Variants in CTTNBP2NL observed in about 807,000 individuals in gnomAD.
CTTNBP2NL encodes the protein CTTNBP2 N-terminal like, also known as CTTNBP2 N-terminal-like protein.
In CTTNBP2NL, 16 loss-of-function variants were observed where a neutral mutation model predicts 32.5. The ratio of observed to expected loss-of-function variants is 0.49; its 90% CI spans 0.33 to 0.75. The LOEUF (loss-of-function observed/expected upper bound fraction) is 0.75, where lower values mean the gene tolerates loss of function less well. Among genes scored for constraint, CTTNBP2NL ranks in the 30% least tolerant of loss-of-function variants. The probability of loss-of-function intolerance (pLI) is 0.02; values close to 1 mark genes in which losing one functional copy is unlikely to be tolerated. For synonymous variants in CTTNBP2NL, 298 were observed against 289.4 expected (o/e 1.03, Z -0.30); for missense variants, 645 against 756.0 (o/e 0.85, Z 1.72).
At chr1:112,442,108 AAAT>A (rs1361118000) in intron 3 of CTTNBP2NL, among the ~76,000 whole-genome samples, 2 of 152,114 alleles carry the variant, frequency 1.3e-5, no homozygotes, top group Non-Finnish European at 2.9e-5. Context: ...GTGCTCTAAA[AAAT>A]AATGTTTTTT....
chr1:112,402,346 A>C (rs948731472), intron 1 of CTTNBP2NL, among the ~76,000 whole-genome samples: 5 of 152,172 alleles, frequency 3.3e-5, no homozygotes, highest in African/African-American at 1.2e-4. Flanking sequence ...TGAACCCAGA[A>C]GGCGGAGATT....
intron 3 of CTTNBP2NL, among the ~76,000 whole-genome samples, chr1:112,420,688 C>T (rs956703071): frequency 3.3e-5 from 5 of 151,374 alleles, no homozygotes; most frequent in African/African-American, 1.2e-4. Context: ...AGGCTGGTTT[C>T]GAACTCCTGC....
chr1:112,410,415 C>T (rs868249805), intron 1 of CTTNBP2NL, among the ~76,000 whole-genome samples: 1 of 151,162 alleles, frequency 6.6e-6, no homozygotes, highest in Non-Finnish European at 1.5e-5. Context: ...AAGTGTTATA[C>T]TTAGCCCTTA....
intron 4 of CTTNBP2NL, among the ~76,000 whole-genome samples, chr1:112,451,621 A>G (rs540477024): frequency 6.6e-6 from 1 of 151,562 alleles, no homozygotes; most frequent in South Asian, 2.1e-4. Context: ...AAAATACAAA[A>G]ATTAGCCAGG....
At chr1:112,401,945 G>A (rs567813240) in intron 1 of CTTNBP2NL, among the ~76,000 whole-genome samples, 1 of 152,308 alleles carries the variant, frequency 6.6e-6, no homozygotes, top group South Asian at 2.1e-4. Context: ...ACCCTTAATT[G>A]TTACTGAGTT....
intron 3 of CTTNBP2NL, among the ~76,000 whole-genome samples, chr1:112,432,614 G>C (rs1570733631): frequency 1.3e-5 from 2 of 150,424 alleles, no homozygotes; most frequent in African/African-American, 2.4e-5. Flanking sequence ...TTGTACTCTT[G>C]ATCTTATCTT....
chr1:112,400,667 C>G (rs1162858743), intron 1 of CTTNBP2NL, among the ~76,000 whole-genome samples: 1 of 152,194 alleles, frequency 6.6e-6, no homozygotes, highest in South Asian at 2.1e-4. Flanking sequence ...TGGCACATGC[C>G]TGTAATCCCA....
At chr1:112,455,087 C>T (rs945437892) in intron 5 of CTTNBP2NL, among the ~76,000 whole-genome samples, 1 of 152,026 alleles carries the variant, frequency 6.6e-6, no homozygotes, top group Non-Finnish European at 1.5e-5. Flanking sequence ...AGTTAGTTTC[C>T]CCATCCATTA....
At chr1:112,430,320 G>A (rs1406582830) in intron 3 of CTTNBP2NL, among the ~76,000 whole-genome samples, 1 of 151,674 alleles carries the variant, frequency 6.6e-6, no homozygotes, top group Non-Finnish European at 1.5e-5. Flanking sequence ...CCGCCTCCTG[G>A]GCTCAAGTGA....
At chr1:112,431,019 TTGAC>T (rs755859455) in intron 3 of CTTNBP2NL, among the ~76,000 whole-genome samples, 10 of 152,242 alleles carry the variant, frequency 6.6e-5, no homozygotes, top group African/African-American at 9.6e-5. Context: ...AATTTCTCGT[TTGAC>T]TGATGTCTTC....
At chr1:112,410,221 C>A (rs1648812148) in intron 1 of CTTNBP2NL, among the ~76,000 whole-genome samples, 1 of 152,130 alleles carries the variant, frequency 6.6e-6, no homozygotes, top group Non-Finnish European at 1.5e-5. Context: ...GGAGAAACCC[C>A]ATCTCTACTA....
chr1:112,440,708 A>AACTATATATAACACTTATTGTTCTTC (rs1252578632), intron 3 of CTTNBP2NL, among the ~76,000 whole-genome samples: 2 of 152,218 alleles, frequency 1.3e-5, no homozygotes, highest in Non-Finnish European at 2.9e-5. Flanking sequence ...GTCAGCACTT[A>AACTATATATAACACTTATTGTTCTTC]ACTATATATA....
chr1:112,447,272 T>TAAAAAAAA (rs35522134), intron 3 of CTTNBP2NL, among the ~76,000 whole-genome samples: 1 of 69,678 alleles, frequency 1.4e-5, no homozygotes, highest in African/African-American at 5.4e-5. Flanking sequence ...AGACTCCATC[T>TAAAAAAAA]AAAAAAAAAA....
intron 3 of CTTNBP2NL, among the ~76,000 whole-genome samples, chr1:112,421,334 G>A (rs1225011749): frequency 2.6e-5 from 3 of 114,284 alleles, no homozygotes; most frequent in Non-Finnish European, 5.5e-5. Flanking sequence ...TTTTTGAGAC[G>A]GAGTTGCCCA....
chr1:112,449,937 A>G (rs1374746978), intron 4 of CTTNBP2NL, among the ~76,000 whole-genome samples: 1 of 152,142 alleles, frequency 6.6e-6, no homozygotes, highest in Non-Finnish European at 1.5e-5. Context: ...AGTGCTTGTG[A>G]ATTTATTCAC....
intron 3 of CTTNBP2NL, among the ~76,000 whole-genome samples, chr1:112,428,237 T>G (rs1327139790): frequency 3.3e-5 from 5 of 152,190 alleles, no homozygotes; most frequent in African/African-American, 1.2e-4. Context: ...CTGCTTTATA[T>G]CTTAGTTACT....
At chr1:112,391,895 A>G (rs2488770), upstream of CTTNBP2NL, among the ~76,000 whole-genome samples, 73,141 of 151,828 alleles carry the variant, frequency 0.48, 20,930 homozygotes, top group African/African-American at 0.81. Context: ...GGAGGCTGAG[A>G]CCGGAGAATA....
intron 3 of CTTNBP2NL, among the ~76,000 whole-genome samples, chr1:112,420,246 A>G (rs1165549229): frequency 1.3e-5 from 2 of 151,574 alleles, no homozygotes; most frequent in Non-Finnish European, 2.9e-5. Flanking sequence ...CCTGAGTTCA[A>G]GTGATTCTCC....
chr1:112,442,708 T>G (rs1361078776), intron 3 of CTTNBP2NL, among the ~76,000 whole-genome samples: 3 of 152,272 alleles, frequency 2.0e-5, no homozygotes, highest in East Asian at 1.9e-4. Context: ...TTTTTTTTCT[T>G]TTAAGAGAGT....
Sources: gnomAD v4.1 joint callset for allele counts (sites outside exome capture counted in the v4.1 genomes callset) on GRCh38, gnomAD v4.1.1 for gene constraint, MANE v1.5 for transcripts, NCBI Gene and HGNC (gene_info 2026-07-23, HGNC 2026-07-21) for gene names.